TAPT1: variants seen among roughly 807,000 people sequenced by gnomAD.
The protein encoded by TAPT1 is transmembrane anterior posterior transformation protein 1 homolog.
Under a neutral mutation model 65.6 loss-of-function variants are expected in TAPT1, and 28 were observed. That is an observed-to-expected ratio of 0.43 (90% CI 0.32 to 0.59). The LOEUF (loss-of-function observed/expected upper bound fraction) is 0.59. TAPT1 is among the 20% of genes least tolerant of loss of function. TAPT1 has a pLI of 0.09. For missense variants in TAPT1, 563 were observed against 679.9 expected (o/e 0.83, Z 1.91); for synonymous variants, 278 against 245.2 (o/e 1.13, Z -1.25).
At chr4:16,173,488 G>A (rs1407392145) in intron 11 of TAPT1, among the ~76,000 whole-genome samples, 2 of 151,288 alleles carry the variant, frequency 1.3e-5, no homozygotes, top group Non-Finnish European at 2.9e-5. Context: ...GCACGATCTC[G>A]GCTCACTGCA....
At chr4:16,175,333 A>G (rs967251818) in intron 9 of TAPT1, among the ~76,000 whole-genome samples, 1 of 152,142 alleles carries the variant, frequency 6.6e-6, no homozygotes, top group African/African-American at 2.4e-5. Flanking sequence ...TACTTTATCA[A>G]TGCTTTACAA....
At chr4:16,186,937 A>T in intron 5 of TAPT1, 59 bp from the exon 6 acceptor site, 1 of 941,938 alleles carries the variant, frequency 1.1e-6, no homozygotes, top group Non-Finnish European at 1.7e-6. Context: ...TGATAATACT[A>T]TAAAATTTTG....
intron 7 of TAPT1, among the ~76,000 whole-genome samples, chr4:16,183,755 A>T (rs1346990820): frequency 6.6e-6 from 1 of 152,228 alleles, no homozygotes; most frequent in African/African-American, 2.4e-5. Context: ...TAACTACTGA[A>T]GCAAAGTATT....
chr4:16,164,755 T>C (rs758896291), intron 13 of TAPT1, among the ~76,000 whole-genome samples: 3 of 152,138 alleles, frequency 2.0e-5, no homozygotes, highest in Non-Finnish European at 4.4e-5. Flanking sequence ...CTAATATGCG[T>C]AACAAGAGAA....
Position 16,188,357 on chromosome 4 carries a change from TAA to T in TAPT1, c.613-4_613-3del, listed in dbSNP as rs749331833. On this transcript the variant is annotated splice_polypyrimidine_tract_variant and splice_region_variant and intron_variant, in intron 4 of 13. Transcript: ENST00000405303. ...AGATGAAAACAGACGATCAGCTACCTAAAAAAAAAAATTATTTGTAAGATGTT... is the reference window on the plus strand; with the variant it reads ...AGATGAAAACAGACGATCAGCTACCTAAAAAAAAATTATTTGTAAGATGTT... The T allele has an allele frequency of 1.4e-5, 18 of 1,312,440 alleles. No individual in the cohort carries two copies. The highest frequency in any genetic ancestry group is 8.8e-5 in the South Asian group (6 of 67,858). The allele number at this position is 1,312,440 out of a possible 1,614,324, so 81.3% of individuals were successfully genotyped here.
intron 1 of TAPT1, among the ~76,000 whole-genome samples, chr4:16,219,997 C>G (rs566545973): frequency 6.6e-6 from 1 of 152,222 alleles, no homozygotes; most frequent in Non-Finnish European, 1.5e-5. Flanking sequence ...TCGAGTTAGC[C>G]TCGCTGCTTC....
chr4:16,162,816 T>C lies in TAPT1; in HGVS notation c.*492A>G. 1 of 307,018 alleles carries C rather than the reference T, an allele frequency of 3.3e-6. No homozygotes were observed. The highest frequency in any genetic ancestry group is 6.7e-6 in the Non-Finnish European group (1 of 148,518). 19.0% of individuals were successfully genotyped at this position (307,018 alleles called of 1,614,324 possible). ...AGGGTTATTCTGGTGGTAAGAACATTTATCTTGACTTATGTTTAATTTTTT... is the reference window on the plus strand; with the variant it reads ...AGGGTTATTCTGGTGGTAAGAACATCTATCTTGACTTATGTTTAATTTTTT... On this transcript the variant is annotated 3_prime_UTR_variant, in exon 14 of 14. Coordinates refer to ENST00000405303, the MANE Select transcript of TAPT1 (RefSeq NM_153365.3).
At chr4:16,198,561 GAA>G (rs769460538) in intron 3 of TAPT1, among the ~76,000 whole-genome samples, 6 of 112,482 alleles carry the variant, frequency 5.3e-5, no homozygotes, top group African/African-American at 2.4e-4. Context: ...ACAGGAGAGT[GAA>G]AAAAAAAAAT....
intron 1 of TAPT1, among the ~76,000 whole-genome samples, chr4:16,224,110 T>C (rs1317036051): frequency 6.6e-6 from 1 of 152,186 alleles, no homozygotes; most frequent in Non-Finnish European, 1.5e-5. Context: ...AAGTAATACC[T>C]TAAGTCCGAG....
intron 3 of TAPT1, among the ~76,000 whole-genome samples, chr4:16,202,127 A>AT (rs1219583368): frequency 1.3e-5 from 2 of 152,178 alleles, no homozygotes; most frequent in African/African-American, 4.8e-5. Flanking sequence ...CTTTGGGGAA[A>AT]TAAAGGCCCA....
rs145313308 is a variant in TAPT1 at position 16,169,871 on chromosome 4, G to A, written c.1313+782C>T. ...AACTGGAACTCTAAGCCAATCCACC[G>A]CTCAAGTTGTGACTGCTATGCTTAC... On this transcript the variant is annotated intron_variant, in intron 12 of 13. Coordinates refer to ENST00000405303, the MANE Select transcript of TAPT1 (RefSeq NM_153365.3). Among the ~76,000 whole-genome samples the A allele has an allele frequency of 9.5e-4, 144 of 152,286 alleles. 1 individual carries two copies. Among genetic ancestry groups the A allele is most frequent in the African/African-American group, 3.0e-3 (123 of 41,552 alleles).
In TAPT1 at chr4:16,189,682, G is replaced by A. The variant is rs527674472; in HGVS notation, c.613-1327C>T. Among the ~76,000 whole-genome samples, 5 of 152,304 alleles carry A rather than the reference G, an allele frequency of 3.3e-5. No individual in the cohort carries two copies. In the South Asian group the frequency reaches 1.0e-3, roughly 32 times the overall value. On this transcript the variant is annotated intron_variant, in intron 4 of 13. Transcript: ENST00000405303. Reference sequence around the variant, plus strand: ...GGTGGTTTGCCTCTTCCAGAGCATGGACTCTCATCCACTGTGTTTAAGCCA... The same window carrying A: ...GGTGGTTTGCCTCTTCCAGAGCATGAACTCTCATCCACTGTGTTTAAGCCA...
chr4:16,188,462 T>C (rs1578439528), intron 4 of TAPT1, 107 bp from the exon 5 acceptor site: 29 of 875,440 alleles, frequency 3.3e-5, no homozygotes, highest in Middle Eastern at 7.3e-4. Context: ...TAAATCCTAG[T>C]AGAAGGCAAG....
intron 8 of TAPT1, chr4:16,176,850 C>T (rs1260630887): frequency 6.6e-6 from 1 of 152,212 alleles, no homozygotes; most frequent in Non-Finnish European, 1.5e-5. Context: ...AAGCAGGTTC[C>T]TTAGAAAATC....
At chr4:16,208,697 C>T (rs1750480791) in intron 2 of TAPT1, among the ~76,000 whole-genome samples, 1 of 152,196 alleles carries the variant, frequency 6.6e-6, no homozygotes. Flanking sequence ...GACCTCTTTT[C>T]TTCTAGATTT....
upstream of TAPT1, chr4:16,226,519 C>G (rs1751578067): frequency 1.8e-5 from 18 of 976,154 alleles, no homozygotes; most frequent in South Asian, 2.3e-4. Context: ...GGCCGGCCCC[C>G]TCCCCGCCTC....
At chr4:16,227,236 G>A (rs778243099), upstream of TAPT1, 3 of 455,382 alleles carry the variant, frequency 6.6e-6, no homozygotes, top group South Asian at 4.7e-5. Flanking sequence ...GGGCTGGCGC[G>A]CCGGCGGACT....
At chr4:16,223,352 T>C (rs545899428) in intron 1 of TAPT1, among the ~76,000 whole-genome samples, 3 of 152,342 alleles carry the variant, frequency 2.0e-5, no homozygotes, top group South Asian at 2.1e-4. Flanking sequence ...TTTGGTTTTA[T>C]GTCAAAAGGA....
Position 16,203,748 on chromosome 4 carries a change from T to C in TAPT1, c.331-1168A>G, listed in dbSNP as rs1292743076. On this transcript the variant is annotated intron_variant, in intron 2 of 13. Transcript: ENST00000405303. ...AGAACTGCAAGATAATAAATGTCTG[T>C]TGTTTAAACCACCCAGTCTATGGTA... 2.0e-5 allele frequency among the ~76,000 whole-genome samples: 3 copies of C among 152,336 alleles called. No homozygotes were observed. In the East Asian group the frequency reaches 5.8e-4, roughly 29 times the overall value.
Sources: allele counts gnomAD v4.1 joint callset (sites outside exome capture counted in the v4.1 genomes callset), GRCh38; gene constraint gnomAD v4.1.1; transcripts MANE v1.5; gene names NCBI Gene and HGNC (gene_info 2026-07-23, HGNC 2026-07-21).